The following TBC1D5 variants were observed in gnomAD, a reference collection of about 807,000 sequenced individuals.
TBC1D5 encodes TBC1 domain family, member 5.
Under a neutral mutation model 100.3 loss-of-function variants are expected in TBC1D5, and 75 were observed. That is an observed-to-expected ratio of 0.75 (90% CI 0.62 to 0.91). The LOEUF (loss-of-function observed/expected upper bound fraction) is 0.91. Among genes scored for constraint, TBC1D5 ranks in the 40% least tolerant of loss-of-function variants. TBC1D5 has a pLI of 0.00. For synonymous variants in TBC1D5, 323 were observed against 325.6 expected (o/e 0.99, Z 0.09); for missense variants, 910 against 942.4 (o/e 0.97, Z 0.45).
chr3:17,706,000 C>A, intron 1 of TBC1D5: 7 of 1,415,962 alleles, frequency 4.9e-6, no homozygotes, highest in Non-Finnish European at 4.8e-6. Flanking sequence ...TTTTTTGAGA[C>A]GGAGTCTTGC....
chr3:17,363,611 AC>A (rs1210331566), intron 13 of TBC1D5, among the ~76,000 whole-genome samples: 3 of 150,168 alleles, frequency 2.0e-5, no homozygotes, highest in African/African-American at 7.4e-5. Context: ...GGGTCTCACT[AC>A]CTTGCCCCCA....
intron 1 of TBC1D5, among the ~76,000 whole-genome samples, chr3:17,650,715 T>C (rs1382691492): frequency 2.0e-5 from 3 of 152,172 alleles, no homozygotes; most frequent in African/African-American, 7.2e-5. Flanking sequence ...CTGCAGGAAT[T>C]TTATTCTTTT....
chr3:17,212,691 C>T (rs540722764), intron 18 of TBC1D5, among the ~76,000 whole-genome samples: 1 of 151,210 alleles, frequency 6.6e-6, no homozygotes, highest in East Asian at 1.9e-4. Flanking sequence ...TAGGCCTAGC[C>T]TAATGTGCGT....
chr3:17,583,024 C>G (rs569563597), intron 2 of TBC1D5, among the ~76,000 whole-genome samples: 1 of 152,164 alleles, frequency 6.6e-6, no homozygotes, highest in African/African-American at 2.4e-5. Context: ...GTGGCTTATG[C>G]CTATAATCCC....
chr3:17,465,762 T>C (rs1276900460), intron 3 of TBC1D5, among the ~76,000 whole-genome samples: 1 of 152,172 alleles, frequency 6.6e-6, no homozygotes, highest in East Asian at 1.9e-4. Context: ...ACCTGAGAAA[T>C]ATTTCAAGAA....
At chr3:17,679,111 G>T (rs777406011) in intron 1 of TBC1D5, among the ~76,000 whole-genome samples, 1 of 150,298 alleles carries the variant, frequency 6.7e-6, no homozygotes, top group Admixed American at 6.6e-5. Context: ...TGGGATCCAC[G>T]GATATGAACA....
chr3:17,571,033 T>C (rs1290054591), intron 2 of TBC1D5, among the ~76,000 whole-genome samples: 1 of 152,016 alleles, frequency 6.6e-6, no homozygotes, highest in East Asian at 1.9e-4. Flanking sequence ...GAGGGCAACA[T>C]GCTTGACTCA....
At chr3:17,388,047 C>A (rs931488421) in intron 8 of TBC1D5, among the ~76,000 whole-genome samples, 1 of 151,970 alleles carries the variant, frequency 6.6e-6, no homozygotes, top group African/African-American at 2.4e-5. Context: ...GAGGGCGAAA[C>A]TCTAAAAATA....
intron 1 of TBC1D5, among the ~76,000 whole-genome samples, chr3:17,677,246 C>G (rs1242952497): frequency 2.6e-5 from 4 of 152,146 alleles, no homozygotes; most frequent in Admixed American, 6.5e-5. Context: ...TTTTTGCAAT[C>G]TACTCATCTG....
chr3:17,172,474 A>G (rs570142158), intron 19 of TBC1D5, among the ~76,000 whole-genome samples: 1 of 152,372 alleles, frequency 6.6e-6, no homozygotes, highest in Admixed American at 6.5e-5. Context: ...CTCATAGCCA[A>G]AGGCAGAATA....
chr3:17,189,063 G>C (rs2069527501), intron 18 of TBC1D5, among the ~76,000 whole-genome samples: 1 of 152,264 alleles, frequency 6.6e-6, no homozygotes, highest in East Asian at 1.9e-4. Context: ...GTATAATCTT[G>C]GACAAGTTCC....
chr3:17,267,040 C>T (rs1299772307), intron 15 of TBC1D5, among the ~76,000 whole-genome samples: 2 of 152,170 alleles, frequency 1.3e-5, no homozygotes, highest in East Asian at 3.9e-4. Context: ...AGTGACATCC[C>T]CATCTATACC....
At position 17,163,262 on chromosome 3, in the gene TBC1D5, C is replaced by G. The variant is rs527857452; in HGVS notation, c.2095-2006G>C. ...AGCCATTTTCTTTTATTGACCCCCC[C>G]CCCTTCCTTGCCCCTTTGCATTACA... On this transcript the variant is annotated intron_variant, in intron 21 of 21. Coordinates refer to ENST00000253692, the Ensembl canonical transcript of TBC1D5. Among the ~76,000 whole-genome samples the G allele has an allele frequency of 7.3e-3, 465 of 63,458 alleles. 2 individuals are homozygous for G. The highest frequency in any genetic ancestry group is 0.014 in the Admixed American group (83 of 6,008). 41.6% of individuals were successfully genotyped at this position (63,458 alleles called of 152,430 possible). A position where few individuals can be genotyped will look rare whatever the true frequency, so the allele number is the denominator to read the frequency against.
At chr3:17,456,976 T>G (rs2095100615) in intron 3 of TBC1D5, among the ~76,000 whole-genome samples, 1 of 152,150 alleles carries the variant, frequency 6.6e-6, no homozygotes, top group African/African-American at 2.4e-5. Context: ...AATAGTGGTT[T>G]TATGGGACTA....
intron 2 of TBC1D5, among the ~76,000 whole-genome samples, chr3:17,550,913 T>C (rs1359820565): frequency 6.6e-6 from 1 of 152,048 alleles, no homozygotes; most frequent in African/African-American, 2.4e-5. Flanking sequence ...CACATGAAAC[T>C]AAAACCAAAA....
intron 10 of TBC1D5, 23 bp from the exon 11 acceptor site, chr3:17,374,702 T>A (rs768946810): frequency 1.9e-6 from 3 of 1,606,098 alleles, no homozygotes; most frequent in Middle Eastern, 2.3e-4. Flanking sequence ...ATACAAGCAA[T>A]CAAAATGTGT....
chr3:17,675,115 C>A (rs1282749817), intron 1 of TBC1D5, among the ~76,000 whole-genome samples: 1 of 151,714 alleles, frequency 6.6e-6, no homozygotes, highest in African/African-American at 2.4e-5. Context: ...AATAAATATC[C>A]CCAAAGTAAT....
At chr3:17,443,340 C>G (rs1230018839) in intron 3 of TBC1D5, among the ~76,000 whole-genome samples, 1 of 152,132 alleles carries the variant, frequency 6.6e-6, no homozygotes, top group Non-Finnish European at 1.5e-5. Context: ...AGATTGACAC[C>G]AAGTAGCCAT....
At chr3:17,672,962 T>C (rs890004963) in intron 1 of TBC1D5, among the ~76,000 whole-genome samples, 1 of 152,226 alleles carries the variant, frequency 6.6e-6, no homozygotes, top group African/African-American at 2.4e-5. Context: ...TTTGATGTTG[T>C]TCTATCATGA....
Sources: allele counts gnomAD v4.1 joint callset (sites outside exome capture counted in the v4.1 genomes callset), GRCh38; gene constraint gnomAD v4.1.1; transcripts MANE v1.5; gene names NCBI Gene and HGNC (gene_info 2026-07-23, HGNC 2026-07-21).